Variants in CCDC62 observed in about 807,000 individuals in gnomAD.
The protein encoded by CCDC62 is coiled-coil domain containing 62, also known as coiled-coil domain-containing protein 62.
A neutral mutation model predicts 80.8 loss-of-function variants in CCDC62; 72 were observed. The observed-to-expected ratio is 0.89, with a 90% CI of 0.74 to 1.08. The LOEUF is 1.08. Ranked by LOEUF, CCDC62 falls within the 50% of genes least tolerant of loss-of-function variation. The probability of loss-of-function intolerance (pLI) is 0.00; values close to 1 mark genes in which losing one functional copy is unlikely to be tolerated. For missense variants in CCDC62, 704 were observed against 809.4 expected (o/e 0.87, Z 1.58); for synonymous variants, 286 against 296.5 (o/e 0.96, Z 0.36).
chr12:122,784,154 C>G (rs560090961), intron 3 of CCDC62, among the ~76,000 whole-genome samples: 104 of 152,244 alleles, frequency 6.8e-4, no homozygotes, highest in Admixed American at 2.4e-3. Context: ...CAGTATATAG[C>G]CTTTTCAGAT....
At chr12:122,778,370 A>C (rs1056734205) in intron 2 of CCDC62, among the ~76,000 whole-genome samples, 3 of 148,596 alleles carry the variant, frequency 2.0e-5, no homozygotes, top group African/African-American at 7.6e-5. Flanking sequence ...AAAAAAAAAA[A>C]ATTATAGCTG....
chr12:122,810,813 A>G, intron 10 of CCDC62, among the ~76,000 whole-genome samples: 1 of 152,186 alleles, frequency 6.6e-6, no homozygotes, highest in Non-Finnish European at 1.5e-5. Flanking sequence ...AATGTGGCAC[A>G]TATACACCAT....
At chr12:122,784,143 A>T (rs769249009) in intron 3 of CCDC62, among the ~76,000 whole-genome samples, 3 of 152,088 alleles carry the variant, frequency 2.0e-5, no homozygotes, top group Non-Finnish European at 4.4e-5. Flanking sequence ...TTGGAATCCT[A>T]CAGTATATAG....
At chr12:122,816,915 A>G (rs1032222048) in intron 11 of CCDC62, among the ~76,000 whole-genome samples, 3 of 152,130 alleles carry the variant, frequency 2.0e-5, no homozygotes, top group African/African-American at 4.8e-5. Context: ...GGTTACCACA[A>G]TCTACTTTCT....
At position 122,792,047 on chromosome 12, in the gene CCDC62, A is replaced by G; in HGVS notation, c.698A>G (p.Asn233Ser). ...KEDLNEKTTE[N>S]NEQREEIIRL... ...GACCTCAATGAAAAGACGACAGAAA[A>G]TAATGAGCAACGAGAAGAGATCATT... Residue 233 changes from asparagine (N) to serine (S), a missense_variant, in exon 6 of 13, where the codon AAT (asparagine) becomes AGT (serine). Physicochemically the swap from Asn to Ser is conservative, Grantham distance 46. Coordinates refer to ENST00000253079, the MANE Select transcript of CCDC62 (RefSeq NM_201435.5). The G allele has an allele frequency of 6.2e-7, 1 of 1,614,038 alleles. No individual in the cohort carries two copies. Among genetic ancestry groups the G allele is most frequent in the Non-Finnish European group, 8.5e-7 (1 of 1,179,936 alleles).
intron 10 of CCDC62, among the ~76,000 whole-genome samples, chr12:122,812,708 C>A (rs1031308200): frequency 3.8e-5 from 3 of 78,078 alleles, no homozygotes; most frequent in Non-Finnish European, 4.8e-5. Flanking sequence ...GGTGACAGAG[C>A]GAGACTCCGT....
intron 2 of CCDC62, among the ~76,000 whole-genome samples, chr12:122,780,054 G>A (rs545991497): frequency 1.3e-5 from 2 of 152,214 alleles, no homozygotes; most frequent in East Asian, 3.9e-4. Context: ...GCTCACGCCT[G>A]TAATCCCAGC....
At chr12:122,793,661 C>T (rs2030766748) in intron 6 of CCDC62, among the ~76,000 whole-genome samples, 1 of 152,060 alleles carries the variant, frequency 6.6e-6, no homozygotes, top group African/African-American at 2.4e-5. Context: ...CACTATGTTG[C>T]CCAGGCTGGT....
rs577962905 is a variant in CCDC62, at chr12:122,816,789, T to C, written c.2001+3370T>C. 8.1e-5 allele frequency among the ~76,000 whole-genome samples: 12 copies of C among 148,338 alleles called. No individual in the cohort carries two copies. In the East Asian group the frequency reaches 2.3e-3, roughly 29 times the overall value. ...TTACATACAATTCACCCTTCTAAAG[T>C]GTACAATTTGGTGGTTTTTTTTAAA... On this transcript the variant is annotated intron_variant, in intron 11 of 12. Coordinates refer to ENST00000253079, the MANE Select transcript of CCDC62 (RefSeq NM_201435.5).
intron 11 of CCDC62, 69 bp downstream of exon 11, chr12:122,813,488 A>G (rs2032033768): frequency 7.0e-7 from 1 of 1,434,206 alleles, no homozygotes; most frequent in Non-Finnish European, 9.4e-7. Context: ...CAGTGTGCAA[A>G]TATCACCGGC....
intron 12 of CCDC62, among the ~76,000 whole-genome samples, chr12:122,825,881 T>A (rs1309339848): frequency 6.7e-6 from 1 of 149,270 alleles, no homozygotes; most frequent in Non-Finnish European, 1.5e-5. Flanking sequence ...TAATCCCAGC[T>A]ACTGGGGAGG....
At chr12:122,784,133 T>C (rs1043498325) in intron 3 of CCDC62, among the ~76,000 whole-genome samples, 1 of 152,224 alleles carries the variant, frequency 6.6e-6, no homozygotes, top group African/African-American at 2.4e-5. Context: ...TGTCATATGC[T>C]TGGAATCCTA....
At chr12:122,805,640 G>A (rs1241956088) in intron 9 of CCDC62, among the ~76,000 whole-genome samples, 1 of 149,520 alleles carries the variant, frequency 6.7e-6, no homozygotes, top group Non-Finnish European at 1.5e-5. Context: ...TCAGCCTTCC[G>A]AGTAGCTGGG....
At chr12:122,822,078 C>CACACACACACACAT (rs2032427548) in intron 11 of CCDC62, among the ~76,000 whole-genome samples, 1 of 134,750 alleles carries the variant, frequency 7.4e-6, no homozygotes, top group Non-Finnish European at 1.6e-5. Context: ...CACACACACA[C>CACACACACACACAT]ACACACACAC....
chr12:122,821,616 AT>A (rs74807237), intron 11 of CCDC62, among the ~76,000 whole-genome samples: 13,224 of 150,756 alleles, frequency 0.088, 922 homozygotes, highest in East Asian at 0.23. Flanking sequence ...TGCCTGGCTA[AT>A]TTTTTTTTAA....
intron 10 of CCDC62, among the ~76,000 whole-genome samples, chr12:122,807,584 C>T (rs903174905): frequency 6.6e-6 from 1 of 151,182 alleles, no homozygotes; most frequent in Middle Eastern, 3.2e-3. Context: ...ACCAAGATAC[C>T]AGGGTGGCAA....
intron 6 of CCDC62, 25 bp from the exon 7 acceptor site, chr12:122,797,282 G>A: frequency 8.9e-7 from 1 of 1,128,728 alleles, no homozygotes; most frequent in Middle Eastern, 1.9e-4. Flanking sequence ...GATGAAAAAT[G>A]TTAATAATAC....
intron 10 of CCDC62, 101 bp downstream of exon 10, chr12:122,806,396 A>C (rs924427902): frequency 5.6e-6 from 4 of 711,470 alleles, no homozygotes; most frequent in South Asian, 3.7e-5. Flanking sequence ...TATTTTGGCT[A>C]TTCCTCCGTT....
chr12:122,823,727 G>C (rs1026763985), intron 12 of CCDC62, among the ~76,000 whole-genome samples: 2 of 151,538 alleles, frequency 1.3e-5, no homozygotes, highest in Non-Finnish European at 2.9e-5. Flanking sequence ...AAAAGGCCGG[G>C]CGTGGTGGCT....
Sources: allele counts gnomAD v4.1 joint callset (sites outside exome capture counted in the v4.1 genomes callset), GRCh38; gene constraint gnomAD v4.1.1; transcripts MANE v1.5; gene names NCBI Gene and HGNC (gene_info 2026-07-23, HGNC 2026-07-21).